HMGCLL1: variants seen among roughly 807,000 people sequenced by gnomAD.
The protein encoded by HMGCLL1 is 3-hydroxy-3-methylglutaryl-CoA lyase like 1, also known as 3-hydroxymethyl-3-methylglutaryl-CoA lyase, cytoplasmic.
A neutral mutation model predicts 39.1 loss-of-function variants in HMGCLL1; 36 were observed. That is an observed-to-expected ratio of 0.92 (90% CI 0.71 to 1.22). The LOEUF is 1.22. Ranked by LOEUF, HMGCLL1 falls within the 50% of genes most tolerant of loss-of-function variation. The pLI is 0.00. For missense variants in HMGCLL1, 451 were observed against 416.5 expected (o/e 1.08, Z -0.72); for synonymous variants, 149 against 144.0 (o/e 1.03, Z -0.25).
At chr6:55,522,421 C>A (rs1768086502) in intron 3 of HMGCLL1, among the ~76,000 whole-genome samples, 2 of 151,946 alleles carry the variant, frequency 1.3e-5, no homozygotes, top group Admixed American at 6.6e-5. Flanking sequence ...AGAACTTTCA[C>A]TGAGTAAAGT....
chr6:55,444,470 A>G (rs1763731897), intron 7 of HMGCLL1, among the ~76,000 whole-genome samples: 1 of 152,038 alleles, frequency 6.6e-6, no homozygotes, highest in Non-Finnish European at 1.5e-5. Context: ...AATGTCTCAC[A>G]ATGGAGAATA....
chr6:55,586,297 C>G, the HMGCLL1 span, among the ~76,000 whole-genome samples: 4 of 151,802 alleles, frequency 2.6e-5, no homozygotes, highest in African/African-American at 9.7e-5. Context: ...ATTGGGTAGA[C>G]AGAGCCTATC....
the HMGCLL1 span, among the ~76,000 whole-genome samples, chr6:55,608,625 A>G: frequency 1.3e-5 from 2 of 152,150 alleles, no homozygotes; most frequent in Non-Finnish European, 2.9e-5. Context: ...TCTTAATTCA[A>G]TGTGTGTATG....
chr6:55,639,314 CTTA>C, the HMGCLL1 span, among the ~76,000 whole-genome samples: 2 of 151,380 alleles, frequency 1.3e-5, no homozygotes, highest in Admixed American at 6.6e-5. Context: ...TTAGTGAGCA[CTTA>C]TTATGTACCA....
At chr6:55,502,054 C>T (rs1287687839) in intron 5 of HMGCLL1, among the ~76,000 whole-genome samples, 2 of 151,758 alleles carry the variant, frequency 1.3e-5, no homozygotes, top group Non-Finnish European at 2.9e-5. Flanking sequence ...ATGTTTTTGA[C>T]TTAAGTGAAT....
At chr6:55,625,794 T>C in the HMGCLL1 span, among the ~76,000 whole-genome samples, 1 of 151,988 alleles carries the variant, frequency 6.6e-6, no homozygotes, top group East Asian at 1.9e-4. Context: ...GGGGAAGAGG[T>C]ATGTGGATGA....
At chr6:55,617,967 G>A in the HMGCLL1 span, among the ~76,000 whole-genome samples, 1 of 152,016 alleles carries the variant, frequency 6.6e-6, no homozygotes, top group Non-Finnish European at 1.5e-5. Context: ...ATAGTTATAA[G>A]GAACGTGGAT....
the HMGCLL1 span, among the ~76,000 whole-genome samples, chr6:55,585,164 T>C: frequency 3.9e-5 from 6 of 152,094 alleles, no homozygotes; most frequent in Non-Finnish European, 7.4e-5. Flanking sequence ...TAATGAGTTC[T>C]ATTTTACCAA....
intron 1 of HMGCLL1, among the ~76,000 whole-genome samples, chr6:55,553,732 T>C (rs1031633605): frequency 2.0e-5 from 3 of 152,206 alleles, no homozygotes; most frequent in African/African-American, 4.8e-5. Flanking sequence ...GACATTTTTT[T>C]CTGATATTTT....
chr6:55,523,845 T>C (rs994196403), intron 3 of HMGCLL1, among the ~76,000 whole-genome samples: 2 of 152,002 alleles, frequency 1.3e-5, no homozygotes, highest in African/African-American at 4.8e-5. Flanking sequence ...CCAAACATTA[T>C]ATACATACTG....
chr6:55,539,271 A>T (rs1024078417), intron 3 of HMGCLL1, among the ~76,000 whole-genome samples: 1 of 152,200 alleles, frequency 6.6e-6, no homozygotes, highest in Non-Finnish European at 1.5e-5. Context: ...GAACCATTAA[A>T]GAACTTAGAA....
At chr6:55,439,185 A>C (rs1346480610) in intron 8 of HMGCLL1, among the ~76,000 whole-genome samples, 1 of 152,164 alleles carries the variant, frequency 6.6e-6, no homozygotes, top group Non-Finnish European at 1.5e-5. Flanking sequence ...TACATGAAAA[A>C]GTTCTTTAGA....
the HMGCLL1 span, among the ~76,000 whole-genome samples, chr6:55,673,583 A>T: frequency 6.6e-6 from 1 of 152,046 alleles, no homozygotes; most frequent in Non-Finnish European, 1.5e-5. Flanking sequence ...ACAAGCAAAT[A>T]AAAACAAGAT....
At chr6:55,521,004 T>G (rs2127441541) in intron 3 of HMGCLL1, among the ~76,000 whole-genome samples, 1 of 152,228 alleles carries the variant, frequency 6.6e-6, no homozygotes, top group African/African-American at 2.4e-5. Flanking sequence ...CAAAGCATCA[T>G]GAAGATTATA....
At chr6:55,616,781 A>T in the HMGCLL1 span, among the ~76,000 whole-genome samples, 1 of 152,122 alleles carries the variant, frequency 6.6e-6, no homozygotes, top group Non-Finnish European at 1.5e-5. Flanking sequence ...GAAGTAAAAA[A>T]TATCAGTAAA....
At chr6:55,609,350 G>T in the HMGCLL1 span, among the ~76,000 whole-genome samples, 2 of 152,118 alleles carry the variant, frequency 1.3e-5, no homozygotes, top group African/African-American at 4.8e-5. Context: ...TGCTGGAGCC[G>T]GGGAAACTGG....
At chr6:55,602,477 T>C in the HMGCLL1 span, among the ~76,000 whole-genome samples, 1 of 152,212 alleles carries the variant, frequency 6.6e-6, no homozygotes, top group East Asian at 1.9e-4. Context: ...TCAATAGGAC[T>C]AAGTTCTATA....
intron 7 of HMGCLL1, among the ~76,000 whole-genome samples, chr6:55,476,453 A>G (rs1765290357): frequency 6.6e-6 from 1 of 151,666 alleles, no homozygotes; most frequent in Admixed American, 6.6e-5. Flanking sequence ...TGATTTTAAT[A>G]GTATACCTAT....
chr6:55,556,128 T>C (rs1296327427), intron 1 of HMGCLL1, among the ~76,000 whole-genome samples: 2 of 152,074 alleles, frequency 1.3e-5, no homozygotes, highest in African/African-American at 2.4e-5. Flanking sequence ...TTACTTTATT[T>C]GATGAGGCCT....
Sources: allele counts gnomAD v4.1 joint callset (sites outside exome capture counted in the v4.1 genomes callset), GRCh38; gene constraint gnomAD v4.1.1; transcripts MANE v1.5; gene names NCBI Gene and HGNC (gene_info 2026-07-23, HGNC 2026-07-21).